TCERG1L: variants seen among roughly 807,000 people sequenced by gnomAD.
TCERG1L encodes the protein transcription elongation regulator 1-like protein.
TCERG1L carries 37 observed loss-of-function variants against 56.3 expected under a neutral mutation model. The ratio of observed to expected loss-of-function variants is 0.66; its 90% CI spans 0.51 to 0.87. TCERG1L has a LOEUF of 0.87. Ranked by LOEUF, TCERG1L falls within the 40% of genes least tolerant of loss-of-function variation. TCERG1L has a pLI of 0.00. For missense variants in TCERG1L, 799 were observed against 774.2 expected, an observed-to-expected ratio of 1.03 and a Z score of -0.38; for synonymous variants, 324 against 326.3, an observed-to-expected ratio of 0.99 and a Z score of 0.08.
At chr10:131,174,579 C>T (rs968714700) in intron 4 of TCERG1L, among the ~76,000 whole-genome samples, 1 of 152,234 alleles carries the variant, frequency 6.6e-6, no homozygotes, top group Non-Finnish European at 1.5e-5. Flanking sequence ...GATCCCACAG[C>T]ACCTCGTTGA....
intron 11 of TCERG1L, 135 bp from the exon 12 acceptor site, chr10:131,093,453 G>C (rs1177671566): frequency 9.5e-7 from 1 of 1,055,144 alleles, no homozygotes; most frequent in African/African-American, 1.6e-5. Flanking sequence ...GGCACCCGGT[G>C]GGTGAGCGGC....
chr10:131,163,176 C>T lies in TCERG1L; in HGVS notation c.980G>A (p.Ser327Asn). 1 of 1,569,178 alleles carries T rather than the reference C, an allele frequency of 6.4e-7. No individual in the cohort carries two copies. Among genetic ancestry groups the T allele is most frequent in the Non-Finnish European group, 8.6e-7 (1 of 1,156,156 alleles). ...CACTGGCCTGTTGCCTCTGGCTGTGCTGTCCTCTCCTCCCCCCAGCATCGG... is the reference window on the plus strand; with the variant it reads ...CACTGGCCTGTTGCCTCTGGCTGTGTTGTCCTCTCCTCCCCCCAGCATCGG... ...PPPMLGGGED[S>N]TARGNRPVAS... The change falls in exon 6 of 12, where the codon AGC (serine) becomes AAC (asparagine). Residue 327 changes from serine (S) to asparagine (N), a missense_variant. Physicochemically the swap from Ser to Asn is conservative, Grantham distance 46. Transcript: ENST00000368642.
In TCERG1L at chr10:131,115,008, C is replaced by T. The variant is rs528930427; in HGVS notation, c.1395+1791G>A. ...AGTAAGGACCGGGAAACTGCCTGCACGTGCACCTGTGGGTCACAAAACGGC... is the reference window on the plus strand; with the variant it reads ...AGTAAGGACCGGGAAACTGCCTGCATGTGCACCTGTGGGTCACAAAACGGC... On this transcript the variant is annotated intron_variant, in intron 9 of 11. Transcript: ENST00000368642. Among the ~76,000 whole-genome samples the T allele has an allele frequency of 2.6e-5, 4 of 152,372 alleles. No individual in the cohort carries two copies. The East Asian group carries it at 5.8e-4, about 22-fold the overall frequency.
intron 4 of TCERG1L, among the ~76,000 whole-genome samples, chr10:131,249,086 C>T (rs1224615158): frequency 1.3e-5 from 2 of 152,240 alleles, no homozygotes; most frequent in African/African-American, 2.4e-5. Context: ...ACAGCCAGAA[C>T]CCAGCCTGAT....
intron 7 of TCERG1L, among the ~76,000 whole-genome samples, chr10:131,145,831 C>T (rs73394518): frequency 2.2e-3 from 336 of 152,322 alleles, no homozygotes; most frequent in African/African-American, 7.6e-3. Context: ...GAGTCAAGAC[C>T]GTTTGAATCC....
chr10:131,234,135 G>A (rs1845886637), intron 4 of TCERG1L, among the ~76,000 whole-genome samples: 1 of 152,156 alleles, frequency 6.6e-6, no homozygotes, highest in Non-Finnish European at 1.5e-5. Flanking sequence ...CCAGCCTCAG[G>A]TATTCTGCTG....
At chr10:131,244,008 A>G (rs1432079743) in intron 4 of TCERG1L, among the ~76,000 whole-genome samples, 1 of 152,264 alleles carries the variant, frequency 6.6e-6, no homozygotes, top group Admixed American at 6.5e-5. Context: ...CTGTGCAGCA[A>G]CAGACAACGA....
At chr10:131,256,992 G>GGAAGGAAGGAAGGAAGGAAAGGAA (rs1846173015) in intron 4 of TCERG1L, among the ~76,000 whole-genome samples, 38 of 59,214 alleles carry the variant, frequency 6.4e-4, no homozygotes, top group African/African-American at 1.9e-3. Flanking sequence ...AAGGAAGGAA[G>GGAAGGAAGGAAGGAAGGAAAGGAA]GAAAGAAAGA....
rs984478447 is a variant in TCERG1L at position 131,267,262 on chromosome 10, T to G, written c.671-6818A>C. Among the ~76,000 whole-genome samples the G allele has an allele frequency of 6.6e-6, 1 of 152,126 alleles. No individual in the cohort carries two copies. Among genetic ancestry groups the G allele is most frequent in the Non-Finnish European group, 1.5e-5 (1 of 68,012 alleles). On this transcript the variant is annotated intron_variant, in intron 3 of 11. Coordinates refer to ENST00000368642, the MANE Select transcript of TCERG1L (RefSeq NM_174937.4). The surrounding 1 kb of genome is among the most constrained non-coding windows in gnomAD (Gnocchi z 4.9). ...CACTGCACATGAGCACTGCCCTGAG[T>G]GTGCACACACCTGGCTGGACTGCAA...
chr10:131,136,880 G>A (rs1351755725), intron 7 of TCERG1L, among the ~76,000 whole-genome samples: 3 of 150,946 alleles, frequency 2.0e-5, no homozygotes, highest in Admixed American at 6.6e-5. Flanking sequence ...AGTGGCTCAC[G>A]CCTGTAATCC....
At chr10:131,184,412 T>C (rs1255106022) in intron 4 of TCERG1L, among the ~76,000 whole-genome samples, 2 of 152,156 alleles carry the variant, frequency 1.3e-5, no homozygotes, top group African/African-American at 4.8e-5. Flanking sequence ...CTGGAGGAGA[T>C]AAATGGGCTT....
chr10:131,195,836 G>T (rs1000563889), intron 4 of TCERG1L, among the ~76,000 whole-genome samples: 1 of 152,224 alleles, frequency 6.6e-6, no homozygotes, highest in Non-Finnish European at 1.5e-5. Context: ...GACCACGCTC[G>T]GCCTGCGGGG....
At chr10:131,240,341 C>T (rs183610573) in intron 4 of TCERG1L, among the ~76,000 whole-genome samples, 2 of 150,240 alleles carry the variant, frequency 1.3e-5, no homozygotes, top group African/African-American at 4.9e-5. Context: ...CCTGACCCTT[C>T]CCCGTTCATT....
intron 3 of TCERG1L, among the ~76,000 whole-genome samples, chr10:131,293,364 C>T (rs1187170872): frequency 6.6e-6 from 1 of 152,082 alleles, no homozygotes; most frequent in Non-Finnish European, 1.5e-5. Context: ...CCGTCTTGGA[C>T]AAGCACCATC....
chr10:131,305,841 T>A (rs1846813802), intron 3 of TCERG1L, among the ~76,000 whole-genome samples: 2 of 151,894 alleles, frequency 1.3e-5, no homozygotes, highest in Non-Finnish European at 2.9e-5. Context: ...ATATAACTAT[T>A]ATATAATAGA....
chr10:131,169,825 C>T lies in TCERG1L; in HGVS notation c.857-2940G>A, dbSNP rs1458253858. Among the ~76,000 whole-genome samples, 7 of 152,250 alleles carry T rather than the reference C, an allele frequency of 4.6e-5. No homozygotes were observed. The South Asian group carries it at 6.2e-4, about 14-fold the overall frequency. ...CTGTGTTAGGAACACTGGCAGCCTG[C>T]GAGGAGGCCGTAAGCCCATAATACT... On this transcript the variant is annotated intron_variant, in intron 4 of 11. Transcript: ENST00000368642.
intron 4 of TCERG1L, among the ~76,000 whole-genome samples, chr10:131,200,158 T>G (rs1845416135): frequency 6.6e-6 from 1 of 152,232 alleles, no homozygotes; most frequent in South Asian, 2.1e-4. Context: ...TCTGCCCCAT[T>G]CCTGGTTCTA....
chr10:131,221,028 C>T (rs963068365), intron 4 of TCERG1L, among the ~76,000 whole-genome samples: 5 of 152,154 alleles, frequency 3.3e-5, no homozygotes, highest in Non-Finnish European at 5.9e-5. Context: ...CCCCCCCAAG[C>T]GGCTGAGTAC....
chr10:131,151,614 T>C (rs1270081613), intron 6 of TCERG1L, among the ~76,000 whole-genome samples: 2 of 152,138 alleles, frequency 1.3e-5, no homozygotes, highest in Non-Finnish European at 2.9e-5. Context: ...TCCAGGTGCA[T>C]GGTGCAAGCT....
Sources: gnomAD v4.1 joint callset for allele counts (sites outside exome capture counted in the v4.1 genomes callset) on GRCh38, gnomAD v4.1.1 for gene constraint, Gnocchi (gnomAD v3.1) non-coding constraint, MANE v1.5 for transcripts, NCBI Gene and HGNC (gene_info 2026-07-23, HGNC 2026-07-21) for gene names.